Variants in SCN1A observed in about 807,000 individuals in gnomAD.
SCN1A encodes sodium voltage-gated channel alpha subunit 1.
A neutral mutation model predicts 193.7 loss-of-function variants in SCN1A; 13 were observed. The observed-to-expected ratio is 0.07, with a 90% CI of 0.04 to 0.11. The LOEUF is 0.11. Ranked by LOEUF, SCN1A falls within the 10% of genes least tolerant of loss-of-function variation. The pLI, the probability that SCN1A is intolerant of heterozygous loss-of-function variation, is 1.00. For synonymous variants in SCN1A, 781 were observed against 843.6 expected, an observed-to-expected ratio of 0.93 and a Z score of 1.29; for missense variants, 1,432 against 2,451.1, an observed-to-expected ratio of 0.58 and a Z score of 8.78.
At chr2:166,113,775 A>T (rs1470642076) in intron 2 of SCN1A, among the ~76,000 whole-genome samples, 1 of 152,196 alleles carries the variant, frequency 6.6e-6, no homozygotes, top group Non-Finnish European at 1.5e-5. Flanking sequence ...GATACAATGC[A>T]CATTGCTCCA....
chr2:166,046,120 T>G lies in SCN1A; in HGVS notation c.1377+650A>C, dbSNP rs1697797033. Reference sequence around the variant, plus strand: ...ATATTTCTGAAACAACTTTCTTCTTTAGTAAAGACAATAAGTTTGTATGCT... The same window carrying G: ...ATATTTCTGAAACAACTTTCTTCTTGAGTAAAGACAATAAGTTTGTATGCT... On this transcript the variant is annotated intron_variant, in intron 12 of 28. Coordinates refer to ENST00000674923, the MANE Select transcript of SCN1A (RefSeq NM_001165963.4). Among the ~76,000 whole-genome samples the G allele has an allele frequency of 2.0e-5, 3 of 152,214 alleles. No individual in the cohort carries two copies. The South Asian group carries it at 6.2e-4, about 32-fold the overall frequency.
At chr2:166,028,651 C>T (rs768422302) in intron 19 of SCN1A, among the ~76,000 whole-genome samples, 8 of 152,116 alleles carry the variant, frequency 5.3e-5, no homozygotes, top group African/African-American at 1.9e-4. Flanking sequence ...ACATGAATAA[C>T]GTTTGGCGTA....
chr2:166,061,254 T>C (rs1267748712), intron 4 of SCN1A, among the ~76,000 whole-genome samples: 1 of 152,016 alleles, frequency 6.6e-6, no homozygotes, highest in Non-Finnish European at 1.5e-5. Flanking sequence ...CAAGGAGTGG[T>C]AAAGTAAAAG....
chr2:166,127,462 T>C (rs771245744), intron 1 of SCN1A, among the ~76,000 whole-genome samples: 1 of 152,036 alleles, frequency 6.6e-6, no homozygotes, highest in Non-Finnish European at 1.5e-5. Flanking sequence ...GGACCTTGAA[T>C]AGGATGAAGG....
At chr2:166,139,427 C>A (rs1040562573) in intron 1 of SCN1A, among the ~76,000 whole-genome samples, 1 of 152,136 alleles carries the variant, frequency 6.6e-6, no homozygotes, top group Non-Finnish European at 1.5e-5. Context: ...GAATAAGTCT[C>A]ACAAGATCTG....
At chr2:166,088,039 T>G (rs1008477980) in intron 2 of SCN1A, among the ~76,000 whole-genome samples, 2 of 147,212 alleles carry the variant, frequency 1.4e-5, no homozygotes, top group African/African-American at 2.6e-5. Context: ...TCTCTGTCAA[T>G]CCCACAATCT....
intron 16 of SCN1A, among the ~76,000 whole-genome samples, chr2:166,039,953 G>A (rs1164196670): frequency 7.8e-6 from 1 of 127,678 alleles, no homozygotes; most frequent in Non-Finnish European, 1.6e-5. Flanking sequence ...GAGACGGAGT[G>A]TCAGTCTGTC....
chr2:166,011,384 T>A (rs563116088), intron 22 of SCN1A, among the ~76,000 whole-genome samples: 1 of 151,044 alleles, frequency 6.6e-6, no homozygotes, highest in Non-Finnish European at 1.5e-5. Context: ...CTTTAACACA[T>A]CTTGAAGTCA....
At position 166,116,531 on chromosome 2, in the gene SCN1A, AC is replaced by A. The variant is rs1208142094; in HGVS notation, c.-142+10392del. Among the ~76,000 whole-genome samples the A allele has an allele frequency of 7.2e-5, 11 of 152,106 alleles. No individual in the cohort carries two copies. In the South Asian group the frequency reaches 1.2e-3, roughly 17 times the overall value. On this transcript the variant is annotated intron_variant, in intron 2 of 28. Transcript: ENST00000674923. ...CTGCATTATAATAATCTCAACTAAT[AC>A]AGTGCAACAAACTTAATCTGAATAA...
chr2:166,140,790 C>T (rs1692046894), intron 1 of SCN1A, among the ~76,000 whole-genome samples: 1 of 152,100 alleles, frequency 6.6e-6, no homozygotes, highest in South Asian at 2.1e-4. Context: ...TTTCTAAAAA[C>T]AAGTGCTTTT....
intron 2 of SCN1A, among the ~76,000 whole-genome samples, chr2:166,080,158 T>A (rs1357920521): frequency 6.6e-6 from 1 of 151,716 alleles, no homozygotes; most frequent in Non-Finnish European, 1.5e-5. Context: ...CACCTCTTTA[T>A]TCTAAAAATT....
At chr2:166,009,988 GAAAT>G in intron 22 of SCN1A, 147 bp from the exon 23 acceptor site, 1 of 705,232 alleles carries the variant, frequency 1.4e-6, no homozygotes, top group South Asian at 2.1e-5. Context: ...AAAAATTAAA[GAAAT>G]AATTTCAGTT....
intron 13 of SCN1A, 84 bp downstream of exon 13, chr2:166,044,959 T>C (rs1464656119): frequency 3.5e-6 from 5 of 1,443,672 alleles, no homozygotes; most frequent in East Asian, 2.3e-5. Context: ...TTGATAAAAA[T>C]TCCTGAGTCC....
chr2:166,041,496 AC>A (rs1697186767), intron 15 of SCN1A, 27 bp from the exon 16 acceptor site: 5 of 1,355,884 alleles, frequency 3.7e-6, no homozygotes, highest in Non-Finnish European at 4.2e-6. Context: ...AAAAAAAAGA[AC>A]CACCAAAAGG....
At chr2:166,042,216 C>G (rs1343462954) in intron 15 of SCN1A, 76 bp downstream of exon 15, 16 of 1,479,556 alleles carry the variant, frequency 1.1e-5, no homozygotes, top group Non-Finnish European at 1.3e-5. Context: ...TCCCAACTCA[C>G]AAATATATTT....
rs1553540263 is a variant in SCN1A, at chr2:166,036,262, T to C, written c.3215A>G (p.Asp1072Gly). The C allele has an allele frequency of 1.9e-6, 3 of 1,613,976 alleles. No individual in the cohort carries two copies. The Admixed American group carries it at 5.0e-5, about 27-fold the overall frequency. The change falls in exon 19 of 29, where the codon GAT becomes GGT. Residue 1072 changes from aspartate to glycine, a missense_variant. By Grantham distance (94) the Asp-to-Gly change is moderately conservative (BLOSUM62 -1). Around this residue, in one of 18 missense-constraint regions of SCN1A, gnomAD observed 198 missense variants for 225.8 expected, o/e 0.88. Transcript: ENST00000674923. ...ATTTACATCTTTAAGATAGTCAAGA[T>C]CTTTCCCAATTTCTGCTGTATGATT... ...MSNHTAEIGK[D>G]LDYLKDVNGT...
chr2:166,142,494 A>G (rs1391739518), intron 1 of SCN1A, among the ~76,000 whole-genome samples: 1 of 152,216 alleles, frequency 6.6e-6, no homozygotes, highest in Non-Finnish European at 1.5e-5. Flanking sequence ...TTACTACTAT[A>G]AAGTTAATTA....
intron 28 of SCN1A, chr2:165,993,033 A>C (rs960438536): frequency 6.6e-6 from 1 of 152,080 alleles, no homozygotes; most frequent in Non-Finnish European, 1.5e-5. Context: ...CCTGTACCTA[A>C]CACTGTAATC....
chr2:166,132,088 C>T (rs1691682296), upstream of SCN1A, among the ~76,000 whole-genome samples: 1 of 152,128 alleles, frequency 6.6e-6, no homozygotes, highest in Admixed American at 6.6e-5. Flanking sequence ...ACTTGAGTAC[C>T]TTGAGGTGGT....
Sources: allele counts gnomAD v4.1 joint callset (sites outside exome capture counted in the v4.1 genomes callset), GRCh38; gene constraint gnomAD v4.1.1; regional missense constraint gnomAD v4.1.1; transcripts MANE v1.5; gene names NCBI Gene and HGNC (gene_info 2026-07-23, HGNC 2026-07-21).